The following SLC22A16 variants were observed in gnomAD, a reference collection of about 807,000 sequenced individuals.
SLC22A16 encodes WUGSC:RG331P03.1.
A neutral mutation model predicts 52.9 loss-of-function variants in SLC22A16; 53 were observed. That is an observed-to-expected ratio of 1.00 (90% CI 0.80 to 1.26). SLC22A16 has a LOEUF of 1.26. Ranked by LOEUF, SLC22A16 falls within the 50% of genes most tolerant of loss-of-function variation. The pLI, the probability that SLC22A16 is intolerant of heterozygous loss-of-function variation, is 0.00. For synonymous variants in SLC22A16, 291 were observed against 268.8 expected, an observed-to-expected ratio of 1.08 and a Z score of -0.81; for missense variants, 726 against 704.0, an observed-to-expected ratio of 1.03 and a Z score of -0.35.
At chr6:110,461,546 T>C (rs938744280) in intron 1 of SLC22A16, among the ~76,000 whole-genome samples, 2 of 151,730 alleles carry the variant, frequency 1.3e-5, no homozygotes, top group African/African-American at 4.8e-5. Context: ...CTGAACTGCA[T>C]CATCAAACAA....
At chr6:110,425,377 T>G (rs1285548026) in intron 7 of SLC22A16, 3 of 1,353,682 alleles carry the variant, frequency 2.2e-6, no homozygotes, top group Non-Finnish European at 2.9e-6. Flanking sequence ...GGTGCTGTCC[T>G]AGGAGCTGTG....
intron 5 of SLC22A16, among the ~76,000 whole-genome samples, chr6:110,436,202 T>A (rs973120669): frequency 6.6e-6 from 1 of 152,166 alleles, no homozygotes; most frequent in Non-Finnish European, 1.5e-5. Flanking sequence ...TTTGGAGGGT[T>A]TGAACTGTGA....
intron 1 of SLC22A16, among the ~76,000 whole-genome samples, chr6:110,470,990 A>G (rs1207617886): frequency 6.6e-6 from 1 of 152,124 alleles, no homozygotes; most frequent in Non-Finnish European, 1.5e-5. Flanking sequence ...TGTTATAACC[A>G]TTTTGCAAAA....
At chr6:110,439,175 T>C (rs1385103311) in intron 4 of SLC22A16, among the ~76,000 whole-genome samples, 2 of 152,226 alleles carry the variant, frequency 1.3e-5, no homozygotes, top group Non-Finnish European at 2.9e-5. Context: ...CCGAGAATTA[T>C]TGAACAGAAG....
At chr6:110,428,581 T>C (rs1774368829) in intron 7 of SLC22A16, among the ~76,000 whole-genome samples, 1 of 152,252 alleles carries the variant, frequency 6.6e-6, no homozygotes, top group Non-Finnish European at 1.5e-5. Flanking sequence ...CAACAGTATC[T>C]GCATTATATG....
chr6:110,427,017 T>G (rs1371449130), intron 7 of SLC22A16, among the ~76,000 whole-genome samples: 1 of 151,598 alleles, frequency 6.6e-6, no homozygotes, highest in African/African-American at 2.4e-5. Context: ...TTTGGGAGGC[T>G]AAGGCTGGCG....
intron 2 of SLC22A16, among the ~76,000 whole-genome samples, chr6:110,452,274 G>A (rs1434203419): frequency 6.6e-6 from 1 of 151,830 alleles, no homozygotes; most frequent in Non-Finnish European, 1.5e-5. Context: ...ATTTGTTACT[G>A]GTATATAGAA....
At chr6:110,464,635 A>ATGTACTCTGGGTTTTCTAGT (rs1775999387) in intron 1 of SLC22A16, among the ~76,000 whole-genome samples, 1 of 152,046 alleles carries the variant, frequency 6.6e-6, no homozygotes, top group Non-Finnish European at 1.5e-5. Context: ...AAATTGAATC[A>ATGTACTCTGGGTTTTCTAGT]GTAACAAAAA....
intron 6 of SLC22A16, 123 bp downstream of exon 6, chr6:110,435,729 C>G: frequency 3.1e-6 from 2 of 652,588 alleles, no homozygotes; most frequent in Non-Finnish European, 5.2e-6. Context: ...TGTCATTTTC[C>G]CATCTCAGAG....
At chr6:110,461,826 A>C (rs551672597) in intron 1 of SLC22A16, among the ~76,000 whole-genome samples, 1 of 152,346 alleles carries the variant, frequency 6.6e-6, no homozygotes, top group African/African-American at 2.4e-5. Context: ...AAAAGAATAC[A>C]AACTTTAAAA....
At chr6:110,474,835 C>T in intron 1 of SLC22A16, 1 of 480,008 alleles carries the variant, frequency 2.1e-6, no homozygotes. Flanking sequence ...TTTGAGGAAT[C>T]TGTTTGATTG....
At chr6:110,457,802 A>G (rs1162723355) in intron 1 of SLC22A16, among the ~76,000 whole-genome samples, 1 of 152,162 alleles carries the variant, frequency 6.6e-6, no homozygotes, top group Non-Finnish European at 1.5e-5. Flanking sequence ...GTGTCTGGAA[A>G]GATGCCCGTT....
chr6:110,463,166 A>C (rs1775945181), intron 1 of SLC22A16, among the ~76,000 whole-genome samples: 1 of 152,166 alleles, frequency 6.6e-6, no homozygotes, highest in South Asian at 2.1e-4. Context: ...TGCCACAGTA[A>C]AATCACACAT....
intron 2 of SLC22A16, among the ~76,000 whole-genome samples, chr6:110,448,919 A>G (rs1420934981): frequency 6.6e-6 from 1 of 151,896 alleles, no homozygotes; most frequent in Non-Finnish European, 1.5e-5. Flanking sequence ...GAAACCCTTC[A>G]CTTCTTTTTC....
chr6:110,470,606 C>A (rs1447387250), intron 1 of SLC22A16, among the ~76,000 whole-genome samples: 1 of 152,088 alleles, frequency 6.6e-6, no homozygotes, highest in African/African-American at 2.4e-5. Flanking sequence ...AGCCAGTGAC[C>A]CCCACAGTCA....
At chr6:110,469,251 G>A (rs138989680) in intron 1 of SLC22A16, among the ~76,000 whole-genome samples, 14 of 152,130 alleles carry the variant, frequency 9.2e-5, no homozygotes, top group African/African-American at 2.2e-4. Context: ...ATCTTAGGCC[G>A]GGCGCAGTGG....
At chr6:110,431,108 C>T (rs1282905496) in intron 7 of SLC22A16, 63 bp downstream of exon 7, 2 of 1,337,354 alleles carry the variant, frequency 1.5e-6, no homozygotes, top group African/African-American at 1.4e-5. Context: ...AGAGAAGTTG[C>T]TAATAGGCAA....
At chr6:110,433,598 C>G (rs905355720) in intron 6 of SLC22A16, among the ~76,000 whole-genome samples, 10 of 152,182 alleles carry the variant, frequency 6.6e-5, no homozygotes, top group South Asian at 2.1e-4. Context: ...ATAACATACT[C>G]CTAAATGGGA....
chr6:110,454,309 T>C (rs763930650), intron 2 of SLC22A16, among the ~76,000 whole-genome samples: 38 of 151,972 alleles, frequency 2.5e-4, no homozygotes, highest in Non-Finnish European at 5.0e-4. Flanking sequence ...AAGGAGGCTG[T>C]CTCTTTCAAC....
Sources: allele counts gnomAD v4.1 joint callset (sites outside exome capture counted in the v4.1 genomes callset), GRCh38; gene constraint gnomAD v4.1.1; transcripts MANE v1.5; gene names NCBI Gene and HGNC (gene_info 2026-07-23, HGNC 2026-07-21).